SPAG16: variants seen among roughly 807,000 people sequenced by gnomAD.
SPAG16 encodes the protein sperm-associated antigen 16 protein.
In SPAG16, 86 loss-of-function variants were observed where a neutral mutation model predicts 80.4. The ratio of observed to expected loss-of-function variants is 1.07; its 90% CI spans 0.90 to 1.28. The LOEUF is 1.28. Among genes scored for constraint, SPAG16 ranks in the 50% most tolerant of loss-of-function variants. SPAG16 has a pLI of 0.00. For missense variants in SPAG16, 870 were observed against 765.3 expected (o/e 1.14, Z -1.61); for synonymous variants, 294 against 265.9 (o/e 1.11, Z -1.03).
chr2:213,832,270 A>G (rs2073711524), intron 10 of SPAG16, among the ~76,000 whole-genome samples: 1 of 152,066 alleles, frequency 6.6e-6, no homozygotes, highest in Admixed American at 6.6e-5. Context: ...TGCTGGGATT[A>G]CAGGCATGAG....
intron 15 of SPAG16, among the ~76,000 whole-genome samples, chr2:214,260,232 A>G (rs930058161): frequency 6.6e-6 from 1 of 152,156 alleles, no homozygotes; most frequent in Admixed American, 6.5e-5. Flanking sequence ...TACACAGGAG[A>G]TGAGTACACC....
At chr2:213,833,577 A>ATTATATATAAT (rs1491221755) in intron 10 of SPAG16, among the ~76,000 whole-genome samples, 1 of 6,562 alleles carries the variant, frequency 1.5e-4, no homozygotes. Context: ...ATATATATAT[A>ATTATATATAAT]ATATATATAT....
At chr2:213,409,694 A>G (rs1392226877) in intron 9 of SPAG16, among the ~76,000 whole-genome samples, 1 of 152,232 alleles carries the variant, frequency 6.6e-6, no homozygotes, top group Non-Finnish European at 1.5e-5. Flanking sequence ...TATAAAGGTG[A>G]AATTTAGCTC....
At chr2:214,064,156 T>C (rs1297795977) in intron 13 of SPAG16, among the ~76,000 whole-genome samples, 1 of 152,186 alleles carries the variant, frequency 6.6e-6, no homozygotes, top group East Asian at 1.9e-4. Flanking sequence ...GATATGAGTA[T>C]AGCTGTGATT....
At position 213,359,256 on chromosome 2, in the gene SPAG16, C is replaced by G. The variant is rs2065844171; in HGVS notation, c.763-4820C>G. 3.3e-5 allele frequency among the ~76,000 whole-genome samples: 5 copies of G among 152,302 alleles called. No homozygotes were observed. The South Asian group carries it at 1.0e-3, about 32-fold the overall frequency. ...CAGGGACCCACTTGAGGAGGCAGTC[C>G]ATCCATTCTCAGAGCTCGAATGCCA... On this transcript the variant is annotated intron_variant, in intron 7 of 15. Transcript: ENST00000331683.
At position 213,296,089 on chromosome 2, in the gene SPAG16, A is replaced by G. The variant is rs762721048; in HGVS notation, c.162A>G (p.Glu54=). The G allele has an allele frequency of 1.9e-6, 3 of 1,609,306 alleles. No individual in the cohort carries two copies. In the South Asian group the frequency reaches 3.3e-5, roughly 18 times the overall value. The change falls in exon 2 of 16, where the codon GAA becomes GAG. Residue 54 remains glutamate (E), a synonymous_variant. Transcript: ENST00000331683. ...LEQVTITEAS[E]DDYEYEEIPD... The stretch of plus-strand genomic sequence containing the variant: ...AGGTCACCATAACTGAAGCATCTGA[A>G]GATGACTATGAATATGAAGAGGTAA...
chr2:214,379,528 G>A (rs1173790205), intron 15 of SPAG16, among the ~76,000 whole-genome samples: 2 of 152,180 alleles, frequency 1.3e-5, no homozygotes, highest in Non-Finnish European at 2.9e-5. Flanking sequence ...CTCTCCATGT[G>A]ACTTAAGGCT....
intron 12 of SPAG16, among the ~76,000 whole-genome samples, chr2:213,984,344 A>G (rs949718205): frequency 1.3e-5 from 2 of 152,134 alleles, no homozygotes; most frequent in African/African-American, 4.8e-5. Context: ...ATGTCTATAT[A>G]CATCCATAAG....
At chr2:213,430,092 G>A (rs934184799) in intron 9 of SPAG16, among the ~76,000 whole-genome samples, 10 of 152,072 alleles carry the variant, frequency 6.6e-5, no homozygotes, top group South Asian at 2.1e-4. Context: ...CAAAGAAATC[G>A]GAGAATCAAT....
chr2:214,392,972 G>T (rs1051144006), intron 15 of SPAG16, among the ~76,000 whole-genome samples: 1 of 152,164 alleles, frequency 6.6e-6, no homozygotes, highest in Non-Finnish European at 1.5e-5. Context: ...AGAAATACTA[G>T]TGGAATTCAT....
chr2:214,331,073 C>A (rs1346882591), intron 15 of SPAG16, among the ~76,000 whole-genome samples: 1 of 152,172 alleles, frequency 6.6e-6, no homozygotes, highest in African/African-American at 2.4e-5. Context: ...TCACCCTGGG[C>A]TATCATCTAT....
At chr2:213,901,581 C>T (rs536843187) in intron 11 of SPAG16, among the ~76,000 whole-genome samples, 3 of 152,088 alleles carry the variant, frequency 2.0e-5, no homozygotes, top group Non-Finnish European at 4.4e-5. Flanking sequence ...TCTGAATGTA[C>T]TGCCTTCTAA....
At chr2:214,401,737 T>TA in intron 15 of SPAG16, among the ~76,000 whole-genome samples, 1 of 152,044 alleles carries the variant, frequency 6.6e-6, no homozygotes, top group South Asian at 2.1e-4. Flanking sequence ...AATGACACTA[T>TA]TACTGACTAT....
intron 10 of SPAG16, among the ~76,000 whole-genome samples, chr2:213,735,625 G>T (rs1016880372): frequency 1.3e-5 from 2 of 152,202 alleles, no homozygotes; most frequent in African/African-American, 4.8e-5. Flanking sequence ...CAGTGTGGAA[G>T]TGATACATAC....
chr2:213,684,771 G>C (rs968131298), intron 10 of SPAG16, among the ~76,000 whole-genome samples: 13 of 152,154 alleles, frequency 8.5e-5, no homozygotes, highest in African/African-American at 3.1e-4. Flanking sequence ...ATGTTTTATT[G>C]GTAATGTATT....
chr2:213,414,225 T>A (rs577034112), intron 9 of SPAG16, among the ~76,000 whole-genome samples: 2 of 152,324 alleles, frequency 1.3e-5, no homozygotes, highest in African/African-American at 4.8e-5. Flanking sequence ...CCTAGTGTAG[T>A]TCCTGCTACA....
chr2:213,590,267 A>C (rs1576103686), intron 10 of SPAG16, among the ~76,000 whole-genome samples: 1 of 152,160 alleles, frequency 6.6e-6, no homozygotes, highest in Non-Finnish European at 1.5e-5. Flanking sequence ...GGTATATTGC[A>C]TAATGCTGAG....
chr2:214,250,755 T>TAG (rs1192976006), intron 15 of SPAG16, among the ~76,000 whole-genome samples: 3,109 of 96,504 alleles, frequency 0.032, 47 homozygotes, highest in Admixed American at 0.054. Flanking sequence ...TATATATATA[T>TAG]ATAGAGAGAG....
Position 213,360,890 on chromosome 2 carries a change from T to C in SPAG16, c.763-3186T>C, listed in dbSNP as rs552613314. 4.6e-5 allele frequency among the ~76,000 whole-genome samples: 7 copies of C among 152,344 alleles called. No individual in the cohort carries two copies. In the South Asian group the frequency reaches 1.0e-3, roughly 23 times the overall value. On this transcript the variant is annotated intron_variant, in intron 7 of 15. Coordinates refer to ENST00000331683, the MANE Select transcript of SPAG16 (RefSeq NM_024532.5). Reference sequence around the variant, plus strand: ...TGAGAATTCATTTCCAACCAAACTTTAGGATGTGAGTTAAGAGCAGTAAGA... The same window carrying C: ...TGAGAATTCATTTCCAACCAAACTTCAGGATGTGAGTTAAGAGCAGTAAGA...
Sources: gnomAD v4.1 joint callset for allele counts (sites outside exome capture counted in the v4.1 genomes callset) on GRCh38, gnomAD v4.1.1 for gene constraint, MANE v1.5 for transcripts, NCBI Gene and HGNC (gene_info 2026-07-23, HGNC 2026-07-21) for gene names.